PDZD2: variants seen among roughly 807,000 people sequenced by gnomAD.
PDZD2 encodes PDZ domain containing 2.
In PDZD2, 90 loss-of-function variants were observed where a neutral mutation model predicts 220.7. The observed-to-expected ratio is 0.41, with a 90% CI of 0.34 to 0.49. The LOEUF is 0.49. Among genes scored for constraint, PDZD2 ranks in the 20% least tolerant of loss-of-function variants. PDZD2 has a pLI of 0.28. For missense variants in PDZD2, 3,174 were observed against 3,608.5 expected (o/e 0.88, Z 3.08); for synonymous variants, 1,375 against 1,450.5 (o/e 0.95, Z 1.18).
rs530677502 is a variant in PDZD2 at position 31,723,318 on chromosome 5, T to C, written c.-360-75571T>C. On this transcript the variant is annotated intron_variant, in intron 1 of 24. Transcript: ENST00000438447. ...TTTCTGTAAGCAAGCAATCTGAGATTTTTTAAGATGCTAGTTTTTTGTTTT... is the reference window on the plus strand; with the variant it reads ...TTTCTGTAAGCAAGCAATCTGAGATCTTTTAAGATGCTAGTTTTTTGTTTT... Among the ~76,000 whole-genome samples, 85 of 151,988 alleles carry C rather than the reference T, an allele frequency of 5.6e-4. 1 individual carries two copies. The highest frequency in any genetic ancestry group is 8.7e-4 in the Non-Finnish European group (59 of 67,958).
intron 6 of PDZD2, among the ~76,000 whole-genome samples, chr5:32,014,570 A>G (rs972883372): frequency 6.6e-6 from 1 of 152,056 alleles, no homozygotes; most frequent in Non-Finnish European, 1.5e-5. Context: ...CCACCACCAC[A>G]AGATTAAAGA....
chr5:31,836,557 T>C (rs58608703), intron 2 of PDZD2, among the ~76,000 whole-genome samples: 115,226 of 151,914 alleles, frequency 0.76, 45,054 homozygotes, highest in Non-Finnish European at 0.86. Context: ...GAAAAATCCA[T>C]GATTTTTACA....
At chr5:32,016,948 C>T (rs1279097257) in intron 6 of PDZD2, among the ~76,000 whole-genome samples, 1 of 152,152 alleles carries the variant, frequency 6.6e-6, no homozygotes, top group African/African-American at 2.4e-5. Flanking sequence ...GGGCAGGGCC[C>T]CTGTCAGGTT....
chr5:31,681,617 A>G (rs11749056), intron 1 of PDZD2, among the ~76,000 whole-genome samples: 45,480 of 151,784 alleles, frequency 0.3, 7,492 homozygotes, highest in Non-Finnish European at 0.37. Flanking sequence ...GTATGTGTCT[A>G]TGTCTATCTT....
At chr5:31,911,862 C>T (rs1266297615) in intron 2 of PDZD2, among the ~76,000 whole-genome samples, 1 of 152,180 alleles carries the variant, frequency 6.6e-6, no homozygotes, top group East Asian at 1.9e-4. Flanking sequence ...ATGGGTGACC[C>T]TTGCCGCCTC....
At chr5:32,100,036 A>G (rs904416685) in intron 23 of PDZD2, 1 of 152,342 alleles carries the variant, frequency 6.6e-6, no homozygotes, top group Non-Finnish European at 1.5e-5. Context: ...GCTTAATTAA[A>G]TCAGAAATGC....
At chr5:31,650,658 T>C (rs1463023099) in intron 1 of PDZD2, among the ~76,000 whole-genome samples, 4 of 152,164 alleles carry the variant, frequency 2.6e-5, no homozygotes, top group Admixed American at 6.5e-5. Context: ...CTGATCTTTC[T>C]TGCAACTTGA....
intron 2 of PDZD2, among the ~76,000 whole-genome samples, chr5:31,969,293 GC>G (rs1561219670): frequency 6.6e-6 from 1 of 151,890 alleles, no homozygotes; most frequent in African/African-American, 2.4e-5. Context: ...GATCGCTTGA[GC>G]TCAGGAGTTC....
chr5:32,034,791 A>G (rs532850312), intron 6 of PDZD2, among the ~76,000 whole-genome samples: 1 of 152,244 alleles, frequency 6.6e-6, no homozygotes, highest in Non-Finnish European at 1.5e-5. Flanking sequence ...TTTTCTCTAG[A>G]TTCTTCCATT....
chr5:32,074,960 A>G (rs1202062768), intron 18 of PDZD2, among the ~76,000 whole-genome samples: 1 of 152,064 alleles, frequency 6.6e-6, no homozygotes, highest in East Asian at 1.9e-4. Context: ...ACAGGCGCAC[A>G]CCACCACGCC....
At chr5:31,805,019 C>T (rs1754629869) in intron 2 of PDZD2, among the ~76,000 whole-genome samples, 1 of 152,128 alleles carries the variant, frequency 6.6e-6, no homozygotes, top group Non-Finnish European at 1.5e-5. Flanking sequence ...CATGGCGAAA[C>T]CCTGCCTCTA....
intron 24 of PDZD2, chr5:32,103,796 A>G (rs924658437): frequency 3.3e-5 from 5 of 152,464 alleles, no homozygotes; most frequent in African/African-American, 7.2e-5. Flanking sequence ...AAAGCAGCAC[A>G]TCGGCTGGGG....
intron 2 of PDZD2, among the ~76,000 whole-genome samples, chr5:31,817,523 T>G (rs1252068015): frequency 2.0e-5 from 3 of 152,158 alleles, no homozygotes; most frequent in Non-Finnish European, 4.4e-5. Context: ...CCATTTGTTA[T>G]GAAATTACTT....
intron 2 of PDZD2, chr5:31,822,488 T>C: frequency 2.1e-6 from 1 of 472,716 alleles, no homozygotes; most frequent in South Asian, 1.8e-5. Context: ...TATTGCATCA[T>C]TTAAATATCA....
chr5:31,726,192 G>C (rs977850576), intron 1 of PDZD2, among the ~76,000 whole-genome samples: 3 of 152,180 alleles, frequency 2.0e-5, no homozygotes, highest in Non-Finnish European at 4.4e-5. Flanking sequence ...AGTGATGCTT[G>C]CACATGCCGT....
At chr5:32,063,521 G>T (rs967624793) in intron 14 of PDZD2, among the ~76,000 whole-genome samples, 2 of 152,178 alleles carry the variant, frequency 1.3e-5, no homozygotes, top group Non-Finnish European at 2.9e-5. Flanking sequence ...TGTGGAGGTT[G>T]TGAAGCAGGC....
intron 2 of PDZD2, among the ~76,000 whole-genome samples, chr5:31,881,324 A>ATG (rs1173134666): frequency 4.6e-4 from 54 of 118,600 alleles, no homozygotes; most frequent in East Asian, 2.7e-3. Context: ...ATTTCCATAT[A>ATG]TATGTGTGTG....
intron 2 of PDZD2, among the ~76,000 whole-genome samples, chr5:31,873,114 G>A (rs1003170599): frequency 6.6e-6 from 1 of 152,088 alleles, no homozygotes; most frequent in Non-Finnish European, 1.5e-5. Flanking sequence ...ATATATGTGT[G>A]TACATATATA....
Position 31,662,651 on chromosome 5 carries a change from A to G in PDZD2, c.-361+23214A>G, listed in dbSNP as rs141739924. Reference sequence around the variant, plus strand: ...CTTGGATCCCCTTTCTTTTTTTGAGACGGAGTCTGGCTCTGTAGCCCAGGA... The same window carrying G: ...CTTGGATCCCCTTTCTTTTTTTGAGGCGGAGTCTGGCTCTGTAGCCCAGGA... On this transcript the variant is annotated intron_variant, in intron 1 of 24. Transcript: ENST00000438447. Among the ~76,000 whole-genome samples the G allele has an allele frequency of 5.3e-3, 811 of 152,152 alleles. 9 individuals carry two copies. Among genetic ancestry groups the G allele is most frequent in the African/African-American group, 0.018 (759 of 41,500 alleles).
Sources: gnomAD v4.1 joint callset for allele counts (sites outside exome capture counted in the v4.1 genomes callset) on GRCh38, gnomAD v4.1.1 for gene constraint, MANE v1.5 for transcripts, NCBI Gene and HGNC (gene_info 2026-07-23, HGNC 2026-07-21) for gene names.